Variants in TJP1 observed in about 807,000 individuals in gnomAD.
TJP1 encodes the protein tight junction protein 1.
TJP1 carries 43 observed loss-of-function variants against 194.2 expected under a neutral mutation model. That is an observed-to-expected ratio of 0.22 (90% CI 0.17 to 0.29). The LOEUF (loss-of-function observed/expected upper bound fraction) is 0.29. Among genes scored for constraint, TJP1 ranks in the 10% least tolerant of loss-of-function variants. TJP1 has a pLI of 1.00. For synonymous variants in TJP1, 801 were observed against 779.0 expected (o/e 1.03, Z -0.47); for missense variants, 1,971 against 2,185.7 (o/e 0.90, Z 1.96).
intron 1 of TJP1, among the ~76,000 whole-genome samples, chr15:29,805,875 A>C (rs2049080715): frequency 6.6e-6 from 1 of 152,180 alleles, no homozygotes; most frequent in Admixed American, 6.5e-5. Flanking sequence ...AAGTGGAGAA[A>C]GATGTTTCAG....
intron 2 of TJP1, among the ~76,000 whole-genome samples, chr15:29,862,949 G>A (rs4375609): frequency 0.17 from 25,359 of 151,002 alleles, 2,628 homozygotes; most frequent in South Asian, 0.23. Context: ...TGCCCAGCTG[G>A]GGATCGGTTT....
chr15:29,931,599 T>C (rs915597865), intron 2 of TJP1, among the ~76,000 whole-genome samples: 1 of 152,102 alleles, frequency 6.6e-6, no homozygotes, highest in Non-Finnish European at 1.5e-5. Flanking sequence ...AATTATAAAA[T>C]GTATAAAGAA....
At chr15:29,912,642 G>A (rs961415784) in intron 2 of TJP1, among the ~76,000 whole-genome samples, 6 of 129,096 alleles carry the variant, frequency 4.6e-5, no homozygotes, top group African/African-American at 1.8e-4. Flanking sequence ...GTTACAGTGA[G>A]CTGAGATCAT....
At chr15:29,757,263 G>A (rs754157774) in intron 8 of TJP1, among the ~76,000 whole-genome samples, 6 of 152,274 alleles carry the variant, frequency 3.9e-5, no homozygotes, top group Admixed American at 6.5e-5. Context: ...AAAGTATTCA[G>A]AAATCTAGGA....
At chr15:29,921,557 C>T (rs1167065379) in intron 2 of TJP1, among the ~76,000 whole-genome samples, 2 of 152,180 alleles carry the variant, frequency 1.3e-5, no homozygotes, top group Admixed American at 6.5e-5. Flanking sequence ...GATGTGTGGG[C>T]ACAGCTCTCA....
chr15:29,950,545 G>A (rs2152307156), intron 2 of TJP1, among the ~76,000 whole-genome samples: 1 of 152,226 alleles, frequency 6.6e-6, no homozygotes, highest in East Asian at 1.9e-4. Context: ...CCAGAGCAGA[G>A]GAGCCCACGA....
At chr15:29,875,322 T>C (rs2052659569) in intron 2 of TJP1, among the ~76,000 whole-genome samples, 1 of 152,224 alleles carries the variant, frequency 6.6e-6, no homozygotes, top group Non-Finnish European at 1.5e-5. Context: ...TTAAGAGTGA[T>C]ACTGACCTTG....
intron 15 of TJP1, 136 bp from the exon 16 acceptor site, chr15:29,728,155 C>T: frequency 5.4e-6 from 3 of 555,708 alleles, no homozygotes; most frequent in Admixed American, 3.4e-5. Flanking sequence ...GCATGCAGTA[C>T]TTAAAGTGAG....
At chr15:29,939,260 T>TA (rs2054986246) in intron 2 of TJP1, among the ~76,000 whole-genome samples, 2 of 152,192 alleles carry the variant, frequency 1.3e-5, no homozygotes, top group South Asian at 2.1e-4. Context: ...CTTCATGACA[T>TA]ACGATCTTTT....
chr15:29,723,382 G>A (rs1483197853), intron 18 of TJP1, among the ~76,000 whole-genome samples: 3 of 152,108 alleles, frequency 2.0e-5, no homozygotes, highest in Non-Finnish European at 4.4e-5. Context: ...AAAGTGTGTA[G>A]TACTCCCCCC....
chr15:29,821,459 G>T (rs1396220228), intron 1 of TJP1: 1 of 152,178 alleles, frequency 6.6e-6, no homozygotes, highest in African/African-American at 2.4e-5. Context: ...GACCTACTAC[G>T]CCTCACAGGC....
intron 5 of TJP1, among the ~76,000 whole-genome samples, chr15:29,765,364 A>G (rs1180011036): frequency 6.6e-6 from 1 of 152,160 alleles, no homozygotes; most frequent in Non-Finnish European, 1.5e-5. Context: ...GTAAGTCTTG[A>G]TAATATTCCA....
upstream of TJP1, among the ~76,000 whole-genome samples, chr15:29,824,801 A>G (rs545824107): frequency 1.7e-4 from 26 of 152,164 alleles, no homozygotes; most frequent in Non-Finnish European, 3.8e-4. Context: ...CTTATTTGTC[A>G]CTTTTACAAG....
intron 25 of TJP1, 118 bp downstream of exon 25, chr15:29,708,441 T>G: frequency 2.4e-6 from 2 of 825,998 alleles, no homozygotes; most frequent in Non-Finnish European, 3.9e-6. Context: ...AACAACACTC[T>G]TCAGTTTAAA....
chr15:29,757,213 AT>A (rs888644136), intron 8 of TJP1, among the ~76,000 whole-genome samples: 6 of 152,326 alleles, frequency 3.9e-5, no homozygotes, highest in African/African-American at 1.4e-4. Flanking sequence ...TGAAGAGGTT[AT>A]TATTCTCAGC....
At chr15:29,941,986 T>C (rs1028413924) in intron 2 of TJP1, among the ~76,000 whole-genome samples, 6 of 152,148 alleles carry the variant, frequency 3.9e-5, no homozygotes, top group Admixed American at 6.5e-5. Context: ...GCGGTCTCCA[T>C]GCCCGCCCAC....
chr15:29,865,716 G>A (rs533197914), intron 2 of TJP1, among the ~76,000 whole-genome samples: 6 of 152,186 alleles, frequency 3.9e-5, no homozygotes, highest in Non-Finnish European at 8.8e-5. Context: ...AGCAATGTGC[G>A]GGATCTGGGC....
At chr15:29,734,867 CA>C (rs2043922959) in intron 11 of TJP1, among the ~76,000 whole-genome samples, 1 of 151,786 alleles carries the variant, frequency 6.6e-6, no homozygotes, top group Non-Finnish European at 1.5e-5. Context: ...AAAACAGAAA[CA>C]AATAAAGTGA....
chr15:29,855,313 A>G (rs970422938), intron 2 of TJP1, among the ~76,000 whole-genome samples: 1 of 152,234 alleles, frequency 6.6e-6, no homozygotes, highest in African/African-American at 2.4e-5. Context: ...AGTTTGACAC[A>G]TGCAAAAAAA....
Sources: allele counts gnomAD v4.1 joint callset (sites outside exome capture counted in the v4.1 genomes callset), GRCh38; gene constraint gnomAD v4.1.1; transcripts MANE v1.5; gene names NCBI Gene and HGNC (gene_info 2026-07-23, HGNC 2026-07-21).